Variants in HNF4A observed in about 807,000 individuals in gnomAD.
HNF4A encodes hepatocyte nuclear factor 4 alpha.
Under a neutral mutation model 52.4 loss-of-function variants are expected in HNF4A, and 15 were observed. The ratio of observed to expected loss-of-function variants is 0.29; its 90% CI spans 0.19 to 0.44. The LOEUF (loss-of-function observed/expected upper bound fraction) is 0.44, where lower values mean the gene tolerates loss of function less well. Among genes scored for constraint, HNF4A ranks in the 20% least tolerant of loss-of-function variants. The pLI is 1.00. For synonymous variants in HNF4A, 280 were observed against 264.4 expected, an observed-to-expected ratio of 1.06 and a Z score of -0.57; for missense variants, 479 against 647.2, an observed-to-expected ratio of 0.74 and a Z score of 2.82.
chr20:44,429,496 C>A (rs766090748), intron 9 of HNF4A, 27 bp from the exon 10 acceptor site: 1 of 1,614,128 alleles, frequency 6.2e-7, no homozygotes, highest in Admixed American at 1.7e-5. Flanking sequence ...TTTTGAGCAG[C>A]CCCTGTCTGT....
Position 44,414,023 on chromosome 20 carries a change from G to GC in HNF4A, c.492+224dup, listed in dbSNP as rs570158757. On this transcript the variant is annotated intron_variant, in intron 4 of 9. Transcript: ENST00000316099. ...CACTTTCTAATTCATCCTACTGCCTGCATCCCACAGGCCAAGCAGAGTCTT... is the reference window on the plus strand; with the variant it reads ...CACTTTCTAATTCATCCTACTGCCTGCCATCCCACAGGCCAAGCAGAGTCTT... Among the ~76,000 whole-genome samples the GC allele has an allele frequency of 5.3e-5, 8 of 152,310 alleles. No homozygotes were observed. The East Asian group carries it at 1.5e-3, about 29-fold the overall frequency.
rs532505411 is a variant in HNF4A at position 44,401,599 on chromosome 20, T to A, written c.115+112T>A. Reference sequence around the variant, plus strand: ...GTGGGAGGAGAATGATACAAAATGGTAGGTTGGTCCTACAGGCCAGCACAG... The same window carrying A: ...GTGGGAGGAGAATGATACAAAATGGAAGGTTGGTCCTACAGGCCAGCACAG... On this transcript the variant is annotated intron_variant, in intron 1 of 9. Transcript: ENST00000316099. The A allele has an allele frequency of 5.1e-6, 7 of 1,371,572 alleles. No homozygotes were observed. The African/African-American group carries it at 7.1e-5, about 14-fold the overall frequency. 85.0% of individuals were successfully genotyped at this position (1,371,572 alleles called of 1,614,324 possible).
intron 1 of HNF4A, among the ~76,000 whole-genome samples, chr20:44,374,976 T>C (rs2063069777): frequency 6.6e-6 from 1 of 152,206 alleles, no homozygotes; most frequent in Non-Finnish European, 1.5e-5. Flanking sequence ...AAGTGTTCCC[T>C]TTTTTCCACA....
rs1192263020 is a variant in HNF4A, at chr20:44,432,447, A to G, written c.*2782A>G. 6.8e-6 allele frequency: 1 copy of G among 147,986 alleles called. No homozygotes were observed. Among genetic ancestry groups the G allele is most frequent in the African/African-American group, 2.5e-5 (1 of 39,856 alleles). The allele number at this position is 147,986 out of a possible 1,614,324, so 9.2% of individuals were successfully genotyped here. ...TGCTGGGGGGACAAGCGTGGGCACA[A>G]TTTCCCCACCAAGACACCCTGATCT... On this transcript the variant is annotated 3_prime_UTR_variant, in exon 10 of 10. Transcript: ENST00000316099.
intron 1 of HNF4A, among the ~76,000 whole-genome samples, chr20:44,393,406 G>T (rs549594935): frequency 3.3e-5 from 5 of 152,306 alleles, no homozygotes; most frequent in Admixed American, 2.6e-4. Flanking sequence ...GAGCCTTACA[G>T]TCAGCATCTC....
intron 5 of HNF4A, among the ~76,000 whole-genome samples, chr20:44,415,254 GCAAGCTGCACAGTGGC>G (rs1330866797): frequency 6.6e-5 from 10 of 152,186 alleles, no homozygotes; most frequent in African/African-American, 2.2e-4. Context: ...AGGTGATGGG[GCAAGCTGCACAGTGGC>G]CAGACCAGAG....
intron 8 of HNF4A, 76 bp from the exon 9 acceptor site, chr20:44,428,259 C>T (rs1273020424): frequency 6.6e-7 from 1 of 1,518,416 alleles, no homozygotes. Flanking sequence ...TTGGCCACGC[C>T]TGAGGAAGAT....
At chr20:44,405,022 A>T (rs2063477072) in intron 1 of HNF4A, among the ~76,000 whole-genome samples, 1 of 122,864 alleles carries the variant, frequency 8.1e-6, no homozygotes, top group Non-Finnish European at 1.6e-5. Context: ...GTGTGTGTGG[A>T]CTGTGTGGTG....
At chr20:44,423,038 C>T (rs919969931) in intron 7 of HNF4A, among the ~76,000 whole-genome samples, 2 of 152,100 alleles carry the variant, frequency 1.3e-5, no homozygotes, top group African/African-American at 2.4e-5. Context: ...AGGCAAAGGC[C>T]GGGTGCAGTG....
chr20:44,370,127 C>T (rs982671029), intron 1 of HNF4A, among the ~76,000 whole-genome samples: 4 of 152,136 alleles, frequency 2.6e-5, no homozygotes, highest in South Asian at 2.1e-4. Context: ...CCCGGGTTCA[C>T]GCCATTCTCC....
intron 1 of HNF4A, among the ~76,000 whole-genome samples, chr20:44,378,404 G>A (rs556248560): frequency 1.5e-3 from 226 of 151,682 alleles, no homozygotes; most frequent in African/African-American, 5.3e-3. Flanking sequence ...AGTAGCTGGG[G>A]TTACAGGCAT....
chr20:44,384,507 A>G lies in HNF4A; in HGVS notation c.50-21551A>G, dbSNP rs983270567. 4.6e-5 allele frequency: 7 copies of G among 152,292 alleles called. 1 individual carries two copies. 9.4% of individuals were successfully genotyped at this position (152,292 alleles called of 1,614,324 possible). A position where few individuals can be genotyped will look rare whatever the true frequency, so the allele number is the denominator to read the frequency against. ...CCTAAGTCTCAATGGTTTGAACAGC[A>G]AAGTTAATTGCTCACCTATAGTACA... is the stretch of plus-strand genomic sequence containing the variant. On this transcript the variant is annotated intron_variant, in intron 1 of 9. Coordinates refer to the HNF4A transcript ENST00000316673.
intron 1 of HNF4A, among the ~76,000 whole-genome samples, chr20:44,366,518 G>A (rs964913947): frequency 6.6e-6 from 1 of 152,160 alleles, no homozygotes; most frequent in African/African-American, 2.4e-5. Flanking sequence ...CTACTCAGGA[G>A]GCTGAGGCAG....
chr20:44,370,034 T>C (rs941885243), intron 1 of HNF4A, among the ~76,000 whole-genome samples: 2 of 152,004 alleles, frequency 1.3e-5, no homozygotes. Context: ...TTTTGTTTGT[T>C]TGTTTGTTTT....
chr20:44,408,479 C>T (rs1274340970), intron 3 of HNF4A, among the ~76,000 whole-genome samples: 1 of 152,172 alleles, frequency 6.6e-6, no homozygotes, highest in Non-Finnish European at 1.5e-5. Context: ...AATCCCAGCA[C>T]TTTGGGAGGC....
rs2063498660 is a variant in HNF4A at position 44,406,252 on chromosome 20, T to C, written c.290+20T>C. 2 of 1,610,452 alleles carry C rather than the reference T, an allele frequency of 1.2e-6. No individual in the cohort carries two copies. Among genetic ancestry groups the C allele is most frequent in the Non-Finnish European group, 1.7e-6 (2 of 1,178,676 alleles). ...CTGCAGGTGAGGAGCCTCAATTTCT[T>C]CAGCTGGGAAATGGGCACACTTGGG... is the stretch of plus-strand genomic sequence containing the variant. On this transcript the variant is annotated intron_variant, in intron 2 of 9. Coordinates refer to ENST00000316099, the MANE Select transcript of HNF4A (RefSeq NM_000457.6).
chr20:44,361,801 T>C (rs976216996), intron 1 of HNF4A, among the ~76,000 whole-genome samples: 4 of 151,478 alleles, frequency 2.6e-5, no homozygotes, highest in African/African-American at 9.7e-5. Flanking sequence ...AAAGACAGAG[T>C]GCCATGATAA....
intron 1 of HNF4A, among the ~76,000 whole-genome samples, chr20:44,388,162 CACT>C (rs1202650965): frequency 6.6e-6 from 1 of 151,746 alleles, no homozygotes; most frequent in East Asian, 1.9e-4. Context: ...CATCGTGGCT[CACT>C]GCAGCCTCCA....
chr20:44,374,654 C>A (rs1303067896), intron 1 of HNF4A, among the ~76,000 whole-genome samples: 1 of 152,014 alleles, frequency 6.6e-6, no homozygotes, highest in African/African-American at 2.4e-5. Context: ...AGTAGAGACA[C>A]AGTTTTACCA....
Sources: allele counts gnomAD v4.1 joint callset (sites outside exome capture counted in the v4.1 genomes callset), GRCh38; gene constraint gnomAD v4.1.1; transcripts MANE v1.5; gene names NCBI Gene and HGNC (gene_info 2026-07-23, HGNC 2026-07-21).